BCAS1: variants seen among roughly 807,000 people sequenced by gnomAD.
BCAS1 encodes brain enriched myelin associated protein 1.
A neutral mutation model predicts 65.4 loss-of-function variants in BCAS1; 46 were observed. That is an observed-to-expected ratio of 0.70 (90% CI 0.55 to 0.90). BCAS1 has a LOEUF of 0.90. Among genes scored for constraint, BCAS1 ranks in the 40% least tolerant of loss-of-function variants. The pLI is 0.00. For synonymous variants in BCAS1, 298 were observed against 293.5 expected (o/e 1.02, Z -0.16); for missense variants, 793 against 771.2 (o/e 1.03, Z -0.33).
chr20:54,063,381 A>T, intron 1 of BCAS1, among the ~76,000 whole-genome samples: 1 of 152,056 alleles, frequency 6.6e-6, no homozygotes, highest in East Asian at 1.9e-4. Context: ...AGAGGACTGC[A>T]CAAGAGTTAG....
rs2145824389 is a variant in BCAS1 at position 53,992,495 on chromosome 20, T to A, written c.1062+17A>T. 7.3e-7 allele frequency: 1 copy of A among 1,364,972 alleles called. No homozygotes were observed. Among genetic ancestry groups the A allele is most frequent in the African/African-American group, 1.5e-5 (1 of 67,648 alleles). The allele number at this position is 1,364,972 out of a possible 1,614,324, so 84.6% of individuals were successfully genotyped here. A position where few individuals can be genotyped will look rare whatever the true frequency, so the allele number is the denominator to read the frequency against. On this transcript the variant is annotated intron_variant, in intron 7 of 12. Coordinates refer to ENST00000688948, the MANE Select transcript of BCAS1 (RefSeq NM_001366298.2). ...CCAGAGTTCTTGTTTTTCCTCCTAC[T>A]TTAATAAGATACAGACCTTATGCCT...
At position 53,985,311 on chromosome 20, in the gene BCAS1, A is replaced by G. The variant is rs779788565; in HGVS notation, c.1251T>C (p.Pro417=). The change falls in exon 8 of 13, where the codon CCT becomes CCC. Residue 417 remains proline (P), a synonymous_variant. Coordinates refer to ENST00000688948, the MANE Select transcript of BCAS1 (RefSeq NM_001366298.2). The part of the protein sequence containing the change: ...TKEKSGPTSL[P]LGKLFWKKSV... ...CCTTTTTCCAAAACAGTTTGCCCAG[A>G]GGCAGAGAGGTGGGTCCTGATTTCT... 13 of 1,613,674 alleles carry G rather than the reference A, an allele frequency of 8.1e-6. No homozygotes were observed. The highest frequency in any genetic ancestry group is 1.1e-5 in the Non-Finnish European group (13 of 1,179,930).
chr20:53,970,922 T>A (rs1568827175), intron 9 of BCAS1, among the ~76,000 whole-genome samples: 1 of 118,804 alleles, frequency 8.4e-6, no homozygotes, highest in Non-Finnish European at 2.0e-5. Flanking sequence ...TCCCACAGAT[T>A]TTTTTTTTTC....
chr20:54,009,925 T>C (rs1444017154), intron 4 of BCAS1, among the ~76,000 whole-genome samples: 2 of 152,164 alleles, frequency 1.3e-5, no homozygotes, highest in African/African-American at 4.8e-5. Flanking sequence ...TGATTAATAT[T>C]TGAAAGTCAA....
intron 8 of BCAS1, among the ~76,000 whole-genome samples, chr20:53,983,154 T>C (rs1182900437): frequency 2.6e-5 from 4 of 152,188 alleles, no homozygotes; most frequent in African/African-American, 7.2e-5. Context: ...GTATCTCTTG[T>C]AGATTCCAAA....
rs920286209 is a variant in BCAS1 at position 54,018,822 on chromosome 20, G to A, written c.723+9570C>T. Among the ~76,000 whole-genome samples, 8 of 152,282 alleles carry A rather than the reference G, an allele frequency of 5.3e-5. 1 individual carries two copies. The highest frequency in any genetic ancestry group is 3.3e-4 in the Admixed American group (5 of 15,302). On this transcript the variant is annotated intron_variant, in intron 4 of 12. Transcript: ENST00000688948. ...ACCCAAGAAAAATACCAATGCAAGTGTTATGACGAAGGACAACCTACATGG... is the reference window on the plus strand; with the variant it reads ...ACCCAAGAAAAATACCAATGCAAGTATTATGACGAAGGACAACCTACATGG...
intron 6 of BCAS1, 64 bp downstream of exon 6, chr20:53,994,948 A>C: frequency 6.9e-7 from 1 of 1,440,176 alleles, no homozygotes; most frequent in South Asian, 1.2e-5. Context: ...GCAGGCAGAC[A>C]CAAATCCAAA....
intron 1 of BCAS1, among the ~76,000 whole-genome samples, chr20:54,069,779 G>C (rs1186564572): frequency 6.6e-6 from 1 of 152,212 alleles, no homozygotes; most frequent in Non-Finnish European, 1.5e-5. Flanking sequence ...CTGCTCCAGG[G>C]CACCCAGCCA....
At chr20:53,975,467 G>A (rs1287370264) in intron 8 of BCAS1, 37 bp from the exon 9 acceptor site, 1 of 1,594,464 alleles carries the variant, frequency 6.3e-7, no homozygotes, top group Admixed American at 1.7e-5. Flanking sequence ...GAGTTAAAAG[G>A]TTACAGAAAA....
rs2090591866 is a variant in BCAS1 at position 53,985,441 on chromosome 20, G to A, written c.1121C>T (p.Thr374Ile). Residue 374 changes from threonine to isoleucine, a missense_variant, in exon 8 of 13, where the codon ACA becomes ATA. Physicochemically the swap from Thr to Ile is moderately conservative, Grantham distance 89 (BLOSUM62 -1). Transcript: ENST00000688948. ...ADLKSDKANF[T>I]SQETQGAGKN... ...GCCAGCCCCTTGGGTCTCCTGGGAT[G>A]TAAAGTTGGCTTTGTCTGACTTAAG... 1.2e-6 allele frequency: 2 copies of A among 1,614,062 alleles called. No individual in the cohort carries two copies. The highest frequency in any genetic ancestry group is 8.5e-7 in the Non-Finnish European group (1 of 1,179,972).
chr20:53,954,732 A>C (rs909060403), intron 11 of BCAS1, among the ~76,000 whole-genome samples: 1 of 152,200 alleles, frequency 6.6e-6, no homozygotes, highest in Non-Finnish European at 1.5e-5. Context: ...ACAAAGGTCC[A>C]AAAAAATATT....
At chr20:53,998,037 G>A (rs993860652) in intron 4 of BCAS1, among the ~76,000 whole-genome samples, 3 of 152,162 alleles carry the variant, frequency 2.0e-5, no homozygotes, top group Non-Finnish European at 2.9e-5. Flanking sequence ...CCTCAAAAGC[G>A]ATTTCTAACA....
intron 3 of BCAS1, among the ~76,000 whole-genome samples, chr20:54,034,871 C>T (rs1329270942): frequency 6.6e-6 from 1 of 151,252 alleles, no homozygotes; most frequent in Non-Finnish European, 1.5e-5. Context: ...ATCATGCTAC[C>T]TGACTTCAAA....
chr20:54,012,346 C>G (rs1422084489), intron 4 of BCAS1, among the ~76,000 whole-genome samples: 1 of 151,850 alleles, frequency 6.6e-6, no homozygotes, highest in Non-Finnish European at 1.5e-5. Context: ...TGTCAATATC[C>G]TGGTTGTGAT....
At chr20:54,039,541 T>C (rs780491781) in intron 3 of BCAS1, among the ~76,000 whole-genome samples, 2 of 151,370 alleles carry the variant, frequency 1.3e-5, no homozygotes, top group Non-Finnish European at 3.0e-5. Flanking sequence ...ACTCAAGATT[T>C]CCACTCTTCT....
At chr20:53,970,479 G>A (rs2090151455) in intron 9 of BCAS1, among the ~76,000 whole-genome samples, 1 of 152,190 alleles carries the variant, frequency 6.6e-6, no homozygotes, top group East Asian at 1.9e-4. Context: ...ATTTCTCCTA[G>A]GCCAGGGCTT....
At chr20:53,991,004 T>C (rs1227979972) in intron 7 of BCAS1, among the ~76,000 whole-genome samples, 1 of 152,202 alleles carries the variant, frequency 6.6e-6, no homozygotes, top group Non-Finnish European at 1.5e-5. Context: ...CTAGGAATGA[T>C]AACATTGAAC....
chr20:54,068,408 G>T (rs774532746), intron 1 of BCAS1: 1 of 154,336 alleles, frequency 6.5e-6, no homozygotes, highest in African/African-American at 2.4e-5. Flanking sequence ...AGCATAGCAG[G>T]ACACAAAATA....
At chr20:53,991,635 T>A (rs1249732428) in intron 7 of BCAS1, among the ~76,000 whole-genome samples, 3 of 152,234 alleles carry the variant, frequency 2.0e-5, no homozygotes. Context: ...TTCAGTGTTG[T>A]CCTAACTTCC....
Sources: gnomAD v4.1 joint callset for allele counts (sites outside exome capture counted in the v4.1 genomes callset) on GRCh38, gnomAD v4.1.1 for gene constraint, MANE v1.5 for transcripts, NCBI Gene and HGNC (gene_info 2026-07-23, HGNC 2026-07-21) for gene names.